IGSF21: variants seen among roughly 807,000 people sequenced by gnomAD.
IGSF21 encodes the protein immunoglobin superfamily member 21.
IGSF21 carries 28 observed loss-of-function variants against 46.8 expected under a neutral mutation model. The ratio of observed to expected loss-of-function variants is 0.60; its 90% CI spans 0.44 to 0.82. The LOEUF is 0.82. Among genes scored for constraint, IGSF21 ranks in the 40% least tolerant of loss-of-function variants. The probability of loss-of-function intolerance (pLI) is 0.00; values close to 1 mark genes in which losing one functional copy is unlikely to be tolerated. For missense variants in IGSF21, 624 were observed against 665.5 expected (o/e 0.94, Z 0.69); for synonymous variants, 284 against 273.6 (o/e 1.04, Z -0.38).
Position 18,174,922 on chromosome 1 carries a change from A to T in IGSF21, c.71-52976A>T, listed in dbSNP as rs928425828. On this transcript the variant is annotated intron_variant, in intron 1 of 9. Transcript: ENST00000251296. ...GCCAAATGGTAGCAGTGAGCACTGG[A>T]GGTCTCTGGGGCCCTGGGCTGGCTG... Among the ~76,000 whole-genome samples, 9 of 152,332 alleles carry T rather than the reference A, an allele frequency of 5.9e-5. No individual in the cohort carries two copies. The East Asian group carries it at 1.5e-3, about 26-fold the overall frequency.
At chr1:18,204,416 C>T (rs899903367) in intron 1 of IGSF21, among the ~76,000 whole-genome samples, 8 of 152,180 alleles carry the variant, frequency 5.3e-5, no homozygotes, top group African/African-American at 1.4e-4. Flanking sequence ...GAATCTAAAA[C>T]GAGCCAGGAC....
At chr1:18,291,745 C>G (rs2085269059) in intron 2 of IGSF21, 121 bp from the exon 3 acceptor site, 1 of 1,225,028 alleles carries the variant, frequency 8.2e-7, no homozygotes, top group Non-Finnish European at 1.2e-6. Flanking sequence ...TTACCTTATT[C>G]TCAGGATGGG....
chr1:18,132,617 C>A (rs2124417785), intron 1 of IGSF21, among the ~76,000 whole-genome samples: 1 of 152,320 alleles, frequency 6.6e-6, no homozygotes, highest in Non-Finnish European at 1.5e-5. Context: ...ACCTCTTGGG[C>A]TGTCAGGCAA....
chr1:18,315,994 T>C (rs1255568927), intron 3 of IGSF21, among the ~76,000 whole-genome samples: 1 of 152,112 alleles, frequency 6.6e-6, no homozygotes, highest in Non-Finnish European at 1.5e-5. Flanking sequence ...TTGGTGTTCT[T>C]TAGGTTGGAA....
chr1:18,309,367 G>A (rs945119045), intron 3 of IGSF21, among the ~76,000 whole-genome samples: 11 of 152,132 alleles, frequency 7.2e-5, no homozygotes, highest in African/African-American at 2.7e-4. Context: ...TGGAGGGGAT[G>A]CCACTGTTAA....
chr1:18,192,267 C>G lies in IGSF21; in HGVS notation c.71-35631C>G, dbSNP rs544692747. 2.0e-4 allele frequency among the ~76,000 whole-genome samples: 30 copies of G among 152,320 alleles called. No homozygotes were observed. The East Asian group carries it at 5.6e-3, about 28-fold the overall frequency. On this transcript the variant is annotated intron_variant, in intron 1 of 9. Transcript: ENST00000251296. The stretch of plus-strand genomic sequence containing the variant: ...TCAGTCTTGTCTAACACCTTCTTGC[C>G]TGTGGTCAGCAGACTGGGGCATGAA...
chr1:18,130,365 CA>C lies in IGSF21; in HGVS notation c.70+22168del, dbSNP rs2086307316. Among the ~76,000 whole-genome samples, 5 of 152,324 alleles carry C rather than the reference CA, an allele frequency of 3.3e-5. No homozygotes were observed. In the South Asian group the frequency reaches 1.0e-3, roughly 32 times the overall value. On this transcript the variant is annotated intron_variant, in intron 1 of 9. Coordinates refer to ENST00000251296, the MANE Select transcript of IGSF21 (RefSeq NM_032880.5). ...AGAGAAAAGACAGAAACGGAGCAGT[CA>C]GGATGAACCATGAGCACCTACCATT... is the stretch of plus-strand genomic sequence containing the variant.
At chr1:18,122,193 CTTTTTTTT>C (rs766563472) in intron 1 of IGSF21, among the ~76,000 whole-genome samples, 40 of 78,776 alleles carry the variant, frequency 5.1e-4, no homozygotes, top group East Asian at 1.8e-3. Flanking sequence ...TTCTTTCTTT[CTTTTTTTT>C]TTTTTTTTTT....
chr1:18,183,738 G>A (rs2086877685), intron 1 of IGSF21, among the ~76,000 whole-genome samples: 1 of 152,188 alleles, frequency 6.6e-6, no homozygotes, highest in Admixed American at 6.5e-5. Flanking sequence ...CAGATGGTGG[G>A]TTGAACTGTG....
chr1:18,220,945 C>T lies in IGSF21; in HGVS notation c.71-6953C>T, dbSNP rs150550638. On this transcript the variant is annotated intron_variant, in intron 1 of 9. Coordinates refer to ENST00000251296, the MANE Select transcript of IGSF21 (RefSeq NM_032880.5). Reference sequence around the variant, plus strand: ...CCTGCTGGGAGGATGTGCAACTTTTCCTATGGAGCAATGGGAAGCTCCTGG... The same window carrying T: ...CCTGCTGGGAGGATGTGCAACTTTTTCTATGGAGCAATGGGAAGCTCCTGG... Among the ~76,000 whole-genome samples the T allele has an allele frequency of 5.0e-3, 761 of 152,216 alleles. 8 individuals carry two copies. Among genetic ancestry groups the T allele is most frequent in the African/African-American group, 0.017 (691 of 41,522 alleles).
chr1:18,216,562 G>C (rs1456162036), intron 1 of IGSF21, among the ~76,000 whole-genome samples: 1 of 152,176 alleles, frequency 6.6e-6, no homozygotes, highest in Non-Finnish European at 1.5e-5. Context: ...GATGTGGAGG[G>C]TCCAAACTGA....
chr1:18,222,478 C>T (rs1257281612), intron 1 of IGSF21, among the ~76,000 whole-genome samples: 3 of 152,180 alleles, frequency 2.0e-5, no homozygotes, highest in Non-Finnish European at 2.9e-5. Flanking sequence ...CATGGTGCCA[C>T]CTCGCCCTGA....
chr1:18,179,723 G>A (rs1353710757), intron 1 of IGSF21, among the ~76,000 whole-genome samples: 1 of 152,026 alleles, frequency 6.6e-6, no homozygotes, highest in Non-Finnish European at 1.5e-5. Context: ...GGTCTCCAGG[G>A]GATGGCAGAG....
rs75685192 is a variant in IGSF21 at position 18,290,353 on chromosome 1, C to T, written c.184-1513C>T. On this transcript the variant is annotated intron_variant, in intron 2 of 9. Transcript: ENST00000251296. The surrounding 1 kb of genome is among the most constrained non-coding windows in gnomAD (Gnocchi z 4.2). ...GACGCGTGTACATGTCGCTAAGTCC[C>T]GACAGAGATAGGAGGGGTGTGGGCT... Among the ~76,000 whole-genome samples the T allele has an allele frequency of 4.6e-5, 7 of 152,218 alleles. No individual in the cohort carries two copies. Among genetic ancestry groups the T allele is most frequent in the East Asian group, 3.9e-4 (2 of 5,168 alleles).
intron 1 of IGSF21, among the ~76,000 whole-genome samples, chr1:18,162,060 A>G (rs1199166425): frequency 1.3e-5 from 2 of 151,358 alleles, no homozygotes; most frequent in Non-Finnish European, 2.9e-5. Flanking sequence ...TTTTTTTGAG[A>G]CAGGGTGTCA....
rs2086308982 is a variant in IGSF21, at chr1:18,378,416, G to A, written c.*90G>A. 2.7e-6 allele frequency: 3 copies of A among 1,106,734 alleles called. No homozygotes were observed. Among genetic ancestry groups the A allele is most frequent in the South Asian group, 1.4e-5 (1 of 73,410 alleles). The allele number at this position is 1,106,734 out of a possible 1,614,324, so 68.6% of individuals were successfully genotyped here. On this transcript the variant is annotated 3_prime_UTR_variant, in exon 10 of 10. Coordinates refer to ENST00000251296, the MANE Select transcript of IGSF21 (RefSeq NM_032880.5). ...TAAACTATTTCCAGTCTTGTTCTTA[G>A]TCTCTTTCCATCTGTGTCTTGGCTT...
intron 1 of IGSF21, among the ~76,000 whole-genome samples, chr1:18,149,294 G>A (rs72655121): frequency 0.027 from 4,092 of 152,280 alleles, 66 homozygotes; most frequent in Non-Finnish European, 0.038. Context: ...GTGCAGGGGA[G>A]ACCATGGGAG....
intron 2 of IGSF21, among the ~76,000 whole-genome samples, chr1:18,230,249 G>A (rs1461800351): frequency 1.3e-5 from 2 of 152,154 alleles, no homozygotes; most frequent in Non-Finnish European, 2.9e-5. Context: ...GTCCTGGGCT[G>A]GACAGAGACT....
chr1:18,127,117 G>A (rs1036802515), intron 1 of IGSF21, among the ~76,000 whole-genome samples: 2 of 152,162 alleles, frequency 1.3e-5, no homozygotes, highest in African/African-American at 4.8e-5. Context: ...TGGCTAGATG[G>A]GTCATCTTGA....
Sources: gnomAD v4.1 joint callset for allele counts (sites outside exome capture counted in the v4.1 genomes callset) on GRCh38, gnomAD v4.1.1 for gene constraint, Gnocchi (gnomAD v3.1) non-coding constraint, MANE v1.5 for transcripts, NCBI Gene and HGNC (gene_info 2026-07-23, HGNC 2026-07-21) for gene names.